Variants in LRMDA observed in about 807,000 individuals in gnomAD.
LRMDA encodes leucine-rich melanocyte differentiation-associated protein.
A neutral mutation model predicts 29.8 loss-of-function variants in LRMDA; 18 were observed. The ratio of observed to expected loss-of-function variants is 0.60; its 90% CI spans 0.42 to 0.90. The LOEUF is 0.90. Ranked by LOEUF, LRMDA falls within the 40% of genes least tolerant of loss-of-function variation. The pLI is 0.00. For synonymous variants in LRMDA, 125 were observed against 109.4 expected (o/e 1.14, Z -0.89); for missense variants, 273 against 273.9 (o/e 1.00, Z 0.02).
At chr10:76,353,803 G>A (rs1257279734) in intron 6 of LRMDA, among the ~76,000 whole-genome samples, 4 of 152,098 alleles carry the variant, frequency 2.6e-5, no homozygotes, top group Admixed American at 6.5e-5. Flanking sequence ...ACCTGGAGAT[G>A]TTTTCTGGTT....
intron 4 of LRMDA, among the ~76,000 whole-genome samples, chr10:76,047,922 G>T (rs887146785): frequency 1.3e-5 from 2 of 152,186 alleles, no homozygotes; most frequent in Non-Finnish European, 2.9e-5. Flanking sequence ...AATGCTTTTC[G>T]TTCTTCTCTC....
intron 6 of LRMDA, among the ~76,000 whole-genome samples, chr10:76,428,160 A>G (rs1842149869): frequency 6.6e-6 from 1 of 152,172 alleles, no homozygotes; most frequent in African/African-American, 2.4e-5. Flanking sequence ...CTCATGCTAC[A>G]AGACTAAATC....
chr10:75,627,860 C>G (rs1841271584), intron 2 of LRMDA, among the ~76,000 whole-genome samples: 1 of 152,188 alleles, frequency 6.6e-6, no homozygotes, highest in Non-Finnish European at 1.5e-5. Context: ...ACAGTAAAGG[C>G]TTTGTAAATA....
chr10:75,685,143 G>A (rs1256010671), intron 2 of LRMDA, among the ~76,000 whole-genome samples: 1 of 152,094 alleles, frequency 6.6e-6, no homozygotes, highest in Admixed American at 6.5e-5. Context: ...TGGATGTAAA[G>A]CTGCTGCAGT....
At chr10:76,219,950 A>T (rs1851799511) in intron 5 of LRMDA, among the ~76,000 whole-genome samples, 3 of 152,274 alleles carry the variant, frequency 2.0e-5, no homozygotes, top group Admixed American at 1.3e-4. Context: ...ACTAGAACTC[A>T]GGATTCAGAA....
intron 2 of LRMDA, among the ~76,000 whole-genome samples, chr10:75,723,671 T>C (rs1274127724): frequency 5.3e-5 from 8 of 152,180 alleles, no homozygotes; most frequent in African/African-American, 1.9e-4. Context: ...CAATTAAAAC[T>C]GATATGACTC....
intron 6 of LRMDA, among the ~76,000 whole-genome samples, chr10:76,370,330 G>A (rs976109002): frequency 2.6e-5 from 4 of 152,080 alleles, no homozygotes; most frequent in African/African-American, 9.7e-5. Context: ...CTCTGTGCCT[G>A]GGGTCATATT....
intron 2 of LRMDA, among the ~76,000 whole-genome samples, chr10:75,619,255 T>C (rs888763395): frequency 1.3e-5 from 2 of 152,120 alleles, no homozygotes; most frequent in Admixed American, 6.5e-5. Context: ...AGTGGACCCA[T>C]GAAGTTGAAA....
chr10:75,495,271 T>G (rs1845030794), intron 2 of LRMDA, among the ~76,000 whole-genome samples: 3 of 152,082 alleles, frequency 2.0e-5, no homozygotes. Flanking sequence ...CCTTCTGTTT[T>G]CCAAGCTGTA....
chr10:75,710,333 T>C (rs1283429041), intron 2 of LRMDA, among the ~76,000 whole-genome samples: 6 of 152,208 alleles, frequency 3.9e-5, no homozygotes, highest in African/African-American at 1.4e-4. Context: ...TGTAGACTGT[T>C]ATTTATGGGT....
chr10:75,559,182 T>C (rs1023452324), intron 2 of LRMDA, among the ~76,000 whole-genome samples: 14 of 152,216 alleles, frequency 9.2e-5, no homozygotes, highest in Admixed American at 7.2e-4. Context: ...TCTACATCCT[T>C]TACAGCACCT....
At chr10:75,841,139 A>C (rs1844534204) in intron 2 of LRMDA, among the ~76,000 whole-genome samples, 1 of 152,190 alleles carries the variant, frequency 6.6e-6, no homozygotes, top group Non-Finnish European at 1.5e-5. Flanking sequence ...ATTTTAGCTA[A>C]CATTGAGCCC....
At chr10:75,952,507 C>G (rs1420139086) in intron 2 of LRMDA, among the ~76,000 whole-genome samples, 1 of 152,164 alleles carries the variant, frequency 6.6e-6, no homozygotes, top group Non-Finnish European at 1.5e-5. Context: ...CTCTCTCTCT[C>G]TCTGATCACA....
intron 2 of LRMDA, among the ~76,000 whole-genome samples, chr10:75,777,910 T>C (rs906335344): frequency 6.6e-6 from 1 of 152,204 alleles, no homozygotes; most frequent in East Asian, 1.9e-4. Flanking sequence ...TGCACATATA[T>C]GCTATATGAT....
chr10:75,932,251 A>C (rs745791635), intron 2 of LRMDA, among the ~76,000 whole-genome samples: 22 of 152,154 alleles, frequency 1.4e-4, no homozygotes, highest in Non-Finnish European at 2.8e-4. Flanking sequence ...AAGCTTTCTG[A>C]TCAGTATAGC....
At chr10:76,227,008 A>G (rs1390326974) in intron 5 of LRMDA, among the ~76,000 whole-genome samples, 1 of 152,240 alleles carries the variant, frequency 6.6e-6, no homozygotes, top group Non-Finnish European at 1.5e-5. Flanking sequence ...TACATGGCAT[A>G]TACTTTAGAA....
At chr10:75,958,025 G>T (rs954187247) in intron 2 of LRMDA, among the ~76,000 whole-genome samples, 1 of 152,214 alleles carries the variant, frequency 6.6e-6, no homozygotes, top group East Asian at 1.9e-4. Flanking sequence ...AGGGCAAAAA[G>T]GAGATGGTAT....
chr10:75,893,231 C>G (rs888601140), intron 2 of LRMDA, among the ~76,000 whole-genome samples: 1 of 152,144 alleles, frequency 6.6e-6, no homozygotes, highest in Non-Finnish European at 1.5e-5. Flanking sequence ...TAAAGAGTTA[C>G]TGAGGGCTCA....
intron 5 of LRMDA, 112 bp downstream of exon 5, chr10:76,058,895 C>A: frequency 1.2e-6 from 1 of 811,348 alleles, no homozygotes; most frequent in Admixed American, 2.0e-5. Flanking sequence ...TGGAATCTCA[C>A]ATGAAGGGTC....
Sources: allele counts gnomAD v4.1 joint callset (sites outside exome capture counted in the v4.1 genomes callset), GRCh38; gene constraint gnomAD v4.1.1; transcripts MANE v1.5; gene names NCBI Gene and HGNC (gene_info 2026-07-23, HGNC 2026-07-21).